ACOX2: variants seen among roughly 807,000 people sequenced by gnomAD.
ACOX2 encodes the protein peroxisomal acyl-coenzyme A oxidase 2.
ACOX2 carries 59 observed loss-of-function variants against 77.5 expected under a neutral mutation model. The ratio of observed to expected loss-of-function variants is 0.76; its 90% CI spans 0.62 to 0.95. ACOX2 has a LOEUF of 0.95. Ranked by LOEUF, ACOX2 falls within the 40% of genes least tolerant of loss-of-function variation. The pLI, the probability that ACOX2 is intolerant of heterozygous loss-of-function variation, is 0.00. For missense variants in ACOX2, 837 were observed against 880.4 expected (o/e 0.95, Z 0.62); for synonymous variants, 317 against 340.1 (o/e 0.93, Z 0.75).
At position 58,530,505 on chromosome 3, in the gene ACOX2, C is replaced by G. The variant is rs147316315; in HGVS notation, c.953G>C (p.Arg318Pro). The G allele has an allele frequency of 9.3e-6, 15 of 1,614,116 alleles. No homozygotes were observed. The highest frequency in any genetic ancestry group is 9.3e-6 in the Non-Finnish European group (11 of 1,180,040). Reference sequence around the variant, plus strand: ...GGATTGGCGGCGGATGACCGAGTAGCGCATGGCGATGACACAGGCCTTCTG... The same window carrying G: ...GGATTGGCGGCGGATGACCGAGTAGGGCATGGCGATGACACAGGCCTTCTG... ...ILQKACVIAMRYSVIRRQSRL... is the reference protein window; with the variant it reads ...ILQKACVIAMPYSVIRRQSRL... The change falls in exon 8 of 15, where the codon CGC becomes CCC. Residue 318 changes from arginine (R) to proline (P), a missense_variant. Physicochemically the swap from Arg to Pro is moderately radical, Grantham distance 103. Coordinates refer to ENST00000302819, the MANE Select transcript of ACOX2 (RefSeq NM_003500.4).
intron 14 of ACOX2, among the ~76,000 whole-genome samples, chr3:58,508,043 C>T (rs1036065309): frequency 1.3e-5 from 2 of 152,162 alleles, no homozygotes; most frequent in Non-Finnish European, 2.9e-5. Flanking sequence ...CTGTTTTGTA[C>T]CTATAGACTT....
Position 58,505,343 on chromosome 3 carries a change from CTT to C in ACOX2, c.1984-59_1984-58del. 1.4e-6 allele frequency: 2 copies of C among 1,385,538 alleles called. No homozygotes were observed. Among genetic ancestry groups the C allele is most frequent in the Non-Finnish European group, 2.0e-6 (2 of 1,007,860 alleles). 85.8% of individuals were successfully genotyped at this position (1,385,538 alleles called of 1,614,324 possible). Reference sequence around the variant, plus strand: ...AGTACATTTCTGCCAGGATTAATGACTTTCACTTTCAAATTAAGTCTCTAGCT... The same window carrying C: ...AGTACATTTCTGCCAGGATTAATGACTCACTTTCAAATTAAGTCTCTAGCT... On this transcript the variant is annotated intron_variant, in intron 14 of 14. Coordinates refer to ENST00000302819, the MANE Select transcript of ACOX2 (RefSeq NM_003500.4). This position sits in a 1 kb window ranked among gnomAD's most constrained non-coding sequence, Gnocchi z 4.4.
In ACOX2 at chr3:58,530,579, C is replaced by A; in HGVS notation, c.879G>T (p.Met293Ile). The A allele has an allele frequency of 6.2e-7, 1 of 1,614,240 alleles. No homozygotes were observed. The highest frequency in any genetic ancestry group is 8.5e-7 in the Non-Finnish European group (1 of 1,180,048). The change falls in exon 8 of 15, where the codon ATG becomes ATT. Residue 293 changes from methionine to isoleucine, a missense_variant. By Grantham distance (10) the Met-to-Ile change is conservative. Transcript: ENST00000302819. ...ACAGCAGCTCCACCCGCACCACCAC[C>A]ATGGGAAGGTAGTTGCTCTGTGCTG... ...LGTAQSNYLP[M>I]VVVRVELLSG...
rs537994436 is a variant in ACOX2, at chr3:58,530,646, G to A, written c.820-8C>T. 1 of 1,612,784 alleles carries A rather than the reference G, an allele frequency of 6.2e-7. No homozygotes were observed. The highest frequency in any genetic ancestry group is 1.7e-5 in the Admixed American group (1 of 59,944). On this transcript the variant is annotated splice_polypyrimidine_tract_variant and splice_region_variant and intron_variant, in intron 7 of 14. Coordinates refer to ENST00000302819, the MANE Select transcript of ACOX2 (RefSeq NM_003500.4). ...GGTGCCATCTGGCAAGACCTGTGTGGAACAAGGACGGGCACAAGTTCTGGG... is the reference window on the plus strand; with the variant it reads ...GGTGCCATCTGGCAAGACCTGTGTGAAACAAGGACGGGCACAAGTTCTGGG...
chr3:58,511,073 T>G (rs139381692), intron 13 of ACOX2: 2 of 456,612 alleles, frequency 4.4e-6, no homozygotes, highest in African/African-American at 2.0e-5. Flanking sequence ...GTGGAAGCAG[T>G]AAGAGAATCT....
Position 58,524,433 on chromosome 3 carries a change from C to A in ACOX2, c.1519G>T (p.Ala507Ser). The A allele has an allele frequency of 6.2e-7, 1 of 1,612,894 alleles. No individual in the cohort carries two copies. Among genetic ancestry groups the A allele is most frequent in the Non-Finnish European group, 8.5e-7 (1 of 1,178,984 alleles). ...TTCTCAGCACTGGCTTACCTTACTG[C>A]CACATGTGCCCAGGCCGTGGTGTAG... Reference protein sequence around the residue: ...ELYTTAWAHVAVRLIKDSVQH... With the variant: ...ELYTTAWAHVSVRLIKDSVQH... Residue 507 changes from alanine to serine, a missense_variant, in exon 11 of 15, where the codon GCA becomes TCA. Physicochemically the swap from Ala to Ser is moderately conservative, Grantham distance 99. Transcript: ENST00000302819. The surrounding 1 kb of genome is among the most constrained non-coding windows in gnomAD (Gnocchi z 5.5).
chr3:58,533,842 C>G lies in ACOX2; in HGVS notation c.475+152G>C. On this transcript the variant is annotated intron_variant, in intron 4 of 14. Transcript: ENST00000302819. This position sits in a 1 kb window ranked among gnomAD's most constrained non-coding sequence, Gnocchi z 5.6. ...GCAAATTAGAAGGTGGCACCCCTTCCTCAGGACCCTTGACTGCCAGCTGCT... is the reference window on the plus strand; with the variant it reads ...GCAAATTAGAAGGTGGCACCCCTTCGTCAGGACCCTTGACTGCCAGCTGCT... 9.5e-7 allele frequency: 1 copy of G among 1,054,572 alleles called. No individual in the cohort carries two copies. The highest frequency in any genetic ancestry group is 1.3e-6 in the Non-Finnish European group (1 of 741,266). 65.3% of individuals were successfully genotyped at this position (1,054,572 alleles called of 1,614,324 possible).
chr3:58,511,352 G>A, intron 13 of ACOX2: 1 of 367,424 alleles, frequency 2.7e-6, no homozygotes, highest in Non-Finnish European at 5.3e-6. Context: ...TGCTGGTCCT[G>A]GCTGGATGCT....
chr3:58,516,459 A>C (rs943329374), intron 13 of ACOX2, among the ~76,000 whole-genome samples: 2 of 152,240 alleles, frequency 1.3e-5, no homozygotes, highest in Non-Finnish European at 2.9e-5. Flanking sequence ...GGAGATTAAT[A>C]GTACCCATTT....
chr3:58,535,048 G>C lies in ACOX2; in HGVS notation c.59C>G (p.Pro20Arg). Residue 20 changes from proline (P) to arginine (R), a missense_variant, in exon 2 of 15, where the codon CCC (proline) becomes CGC (arginine). Coordinates refer to ENST00000302819, the MANE Select transcript of ACOX2 (RefSeq NM_003500.4). This position sits in a 1 kb window ranked among gnomAD's most constrained non-coding sequence, Gnocchi z 4.8. ...CATATACCTCTCGCTCTCTATGTCGGGGTGCATTTGCCTGCTCCAGGTATC... is the reference window on the plus strand; with the variant it reads ...CATATACCTCTCGCTCTCTATGTCGCGGTGCATTTGCCTGCTCCAGGTATC... ...LGDTWSRQMH[P>R]DIESERYMQS... 6.2e-7 allele frequency: 1 copy of C among 1,614,182 alleles called. No individual in the cohort carries two copies. The highest frequency in any genetic ancestry group is 1.7e-5 in the Admixed American group (1 of 60,028).
intron 13 of ACOX2, 91 bp from the exon 14 acceptor site, chr3:58,509,116 G>A (rs901802763): frequency 3.2e-5 from 46 of 1,432,762 alleles, no homozygotes; most frequent in Non-Finnish European, 4.3e-5. Flanking sequence ...CCTAATTAGA[G>A]GTTGCATGAT....
rs769873539 is a variant in ACOX2 at position 58,526,680 on chromosome 3, G to T, written c.1156-24C>A. The T allele has an allele frequency of 6.2e-7, 1 of 1,608,760 alleles. No individual in the cohort carries two copies. Among genetic ancestry groups the T allele is most frequent in the Admixed American group, 1.7e-5 (1 of 59,818 alleles). On this transcript the variant is annotated intron_variant, in intron 9 of 14. Transcript: ENST00000302819. This position sits in a 1 kb window ranked among gnomAD's most constrained non-coding sequence, Gnocchi z 4.3. Reference sequence around the variant, plus strand: ...AGCTGTGAGAACATGGAGGGGGGTTGGGCGGTGTTAGGGGGCCTCCACCAT... The same window carrying T: ...AGCTGTGAGAACATGGAGGGGGGTTTGGCGGTGTTAGGGGGCCTCCACCAT...
rs73838030 is a variant in ACOX2, at chr3:58,522,281, C to T, written c.1632+215G>A. On this transcript the variant is annotated intron_variant, in intron 12 of 14. Transcript: ENST00000302819. The surrounding 1 kb of genome is among the most constrained non-coding windows in gnomAD (Gnocchi z 4.3). ...CCTGAAGCAAATCCAATAACACTGCCTCATTACCTTTTCCCCTAAGAGCTG... is the reference window on the plus strand; with the variant it reads ...CCTGAAGCAAATCCAATAACACTGCTTCATTACCTTTTCCCCTAAGAGCTG... Among the ~76,000 whole-genome samples, 1,556 of 152,322 alleles carry T rather than the reference C, an allele frequency of 0.01. 36 individuals are homozygous for T. The highest frequency in any genetic ancestry group is 0.035 in the African/African-American group (1,470 of 41,568).
At position 58,524,000 on chromosome 3, in the gene ACOX2, C is replaced by T. The variant is rs568837427; in HGVS notation, c.1526+426G>A. ...CCCTGGAAATAAATGAATTCTATCC[C>T]GTGGTGTAGTCATATTTTCAAAAAT... is the stretch of plus-strand genomic sequence containing the variant. On this transcript the variant is annotated intron_variant, in intron 11 of 14. Coordinates refer to ENST00000302819, the MANE Select transcript of ACOX2 (RefSeq NM_003500.4). The surrounding 1 kb of genome is among the most constrained non-coding windows in gnomAD (Gnocchi z 5.3). 1.5e-3 allele frequency among the ~76,000 whole-genome samples: 223 copies of T among 152,232 alleles called. 7 individuals are homozygous for T. In the South Asian group the frequency reaches 0.045, roughly 31 times the overall value.
chr3:58,520,895 TCAG>T (rs983924032), intron 12 of ACOX2, among the ~76,000 whole-genome samples: 3 of 152,172 alleles, frequency 2.0e-5, no homozygotes, highest in African/African-American at 7.2e-5. Context: ...GCATCTGGAC[TCAG>T]CTATTTCCTA....
Position 58,533,838 on chromosome 3 carries a change from C to G in ACOX2, c.475+156G>C. ...ACGTGCAAATTAGAAGGTGGCACCCCTTCCTCAGGACCCTTGACTGCCAGC... is the reference window on the plus strand; with the variant it reads ...ACGTGCAAATTAGAAGGTGGCACCCGTTCCTCAGGACCCTTGACTGCCAGC... On this transcript the variant is annotated intron_variant, in intron 4 of 14. Transcript: ENST00000302819. The surrounding 1 kb of genome is among the most constrained non-coding windows in gnomAD (Gnocchi z 5.6). 9.9e-7 allele frequency: 1 copy of G among 1,008,264 alleles called. No homozygotes were observed. The highest frequency in any genetic ancestry group is 2.6e-5 in the East Asian group (1 of 38,312). The allele number at this position is 1,008,264 out of a possible 1,614,324, so 62.5% of individuals were successfully genotyped here. A position where few individuals can be genotyped will look rare whatever the true frequency, so the allele number is the denominator to read the frequency against.
chr3:58,510,631 TCAAAA>T, intron 13 of ACOX2, among the ~76,000 whole-genome samples: 1 of 13,556 alleles, frequency 7.4e-5, no homozygotes, highest in Non-Finnish European at 1.2e-4. Context: ...AGACTCCCGC[TCAAAA>T]AAAAAAAAAA....
rs908404541 is a variant in ACOX2 at position 58,522,570 on chromosome 3, T to A, written c.1558A>T (p.Thr520Ser). 1.2e-6 allele frequency: 2 copies of A among 1,614,034 alleles called. No homozygotes were observed. Among genetic ancestry groups the A allele is most frequent in the Admixed American group, 1.7e-5 (1 of 60,016 alleles). The change falls in exon 12 of 15, where the codon ACC becomes TCC. Residue 520 changes from threonine to serine, a missense_variant. By Grantham distance (58) the Thr-to-Ser change is moderately conservative. Coordinates refer to ENST00000302819, the MANE Select transcript of ACOX2 (RefSeq NM_003500.4). This position sits in a 1 kb window ranked among gnomAD's most constrained non-coding sequence, Gnocchi z 4.3. ...TGGTCAGCTCCGGATTGCGTCAGGG[T>A]CTGTAAATGCTGCACTGAGTCCTTT... ...LIKDSVQHLQTLTQSGADQHE... is the reference protein window; with the variant it reads ...LIKDSVQHLQSLTQSGADQHE...
intron 13 of ACOX2, among the ~76,000 whole-genome samples, 185 bp from the exon 14 acceptor site, chr3:58,509,210 G>C (rs529275874): frequency 6.7e-6 from 1 of 149,814 alleles, no homozygotes; most frequent in African/African-American, 2.4e-5. Flanking sequence ...TGAGTCAAAG[G>C]GTTCCGTAAG....
Sources: allele counts gnomAD v4.1 joint callset (sites outside exome capture counted in the v4.1 genomes callset), GRCh38; gene constraint gnomAD v4.1.1; non-coding constraint Gnocchi (gnomAD v3.1); transcripts MANE v1.5; gene names NCBI Gene and HGNC (gene_info 2026-07-23, HGNC 2026-07-21).